PGS1: variants seen among roughly 807,000 people sequenced by gnomAD.
PGS1 encodes the protein CDP-diacylglycerol--glycerol-3-phosphate 3-phosphatidyltransferase, mitochondrial.
PGS1 carries 44 observed loss-of-function variants against 58.3 expected under a neutral mutation model. That is an observed-to-expected ratio of 0.75 (90% CI 0.59 to 0.97). PGS1 has a LOEUF of 0.97. PGS1 is among the 50% of genes least tolerant of loss of function. The pLI is 0.00. For missense variants in PGS1, 684 were observed against 731.1 expected (o/e 0.94, Z 0.74); for synonymous variants, 330 against 311.0 (o/e 1.06, Z -0.64).
chr17:78,414,979 G>A lies in PGS1; in HGVS notation c.1503G>A (p.Gln501=). 1 of 1,613,698 alleles carries A rather than the reference G, an allele frequency of 6.2e-7. No homozygotes were observed. Among genetic ancestry groups the A allele is most frequent in the Non-Finnish European group, 8.5e-7 (1 of 1,180,030 alleles). The change falls in exon 8 of 10, where the codon CAG becomes CAA. Residue 501 remains glutamine, a synonymous_variant. Coordinates refer to ENST00000262764, the MANE Select transcript of PGS1 (RefSeq NM_024419.5). ...CAGTTCACCGGGACCTGGAGGCCCA[G>A]ATTGCGATCGTGACGGAGAACCAGG... ...YRSVHRDLEA[Q]IAIVTENQAL... is the part of the protein sequence containing the mutation.
chr17:78,401,609 C>T (rs968753130), intron 6 of PGS1, among the ~76,000 whole-genome samples: 1 of 152,158 alleles, frequency 6.6e-6, no homozygotes, highest in Non-Finnish European at 1.5e-5. Flanking sequence ...GAAGAGCTCT[C>T]TGCGTCTTGT....
chr17:78,387,601 T>C (rs1226268174), intron 1 of PGS1, among the ~76,000 whole-genome samples: 2 of 146,000 alleles, frequency 1.4e-5, no homozygotes, highest in African/African-American at 5.0e-5. Context: ...GCCCAGCCTT[T>C]TTTTTTTTTT....
At chr17:78,384,461 AGTT>A (rs1406549572) in intron 1 of PGS1, among the ~76,000 whole-genome samples, 3 of 152,180 alleles carry the variant, frequency 2.0e-5, no homozygotes, top group Admixed American at 6.5e-5. Flanking sequence ...GGGTAGGGTG[AGTT>A]GTTCTCAAAA....
At chr17:78,414,197 CTCAG>C in intron 7 of PGS1, among the ~76,000 whole-genome samples, 1 of 152,318 alleles carries the variant, frequency 6.6e-6, no homozygotes, top group East Asian at 1.9e-4. Flanking sequence ...CTACATGTTC[CTCAG>C]TCAGAAGGGC....
In PGS1 at chr17:78,403,728, T is replaced by C. The variant is rs528183439; in HGVS notation, c.1041T>C (p.Pro347=). ...CTGCTGGGGATCGCAGACCAGCCCC[T>C]GACACCTGGATTTATCCGCTGATTC... is the stretch of plus-strand genomic sequence containing the variant. ...AAAAGDRRPA[P]DTWIYPLIQM... Residue 347 remains proline (P), a synonymous_variant, in exon 7 of 10, where the codon CCT becomes CCC. Coordinates refer to ENST00000262764, the MANE Select transcript of PGS1 (RefSeq NM_024419.5). 1.3e-4 allele frequency: 204 copies of C among 1,614,226 alleles called. 2 individuals carry two copies. In the South Asian group the frequency reaches 2.2e-3, roughly 18 times the overall value.
intron 3 of PGS1, among the ~76,000 whole-genome samples, chr17:78,397,181 A>G (rs1399894262): frequency 6.7e-6 from 1 of 148,420 alleles, no homozygotes; most frequent in African/African-American, 2.5e-5. Context: ...GGGCCAGCGC[A>G]GGTTCTGGTG....
intron 7 of PGS1, among the ~76,000 whole-genome samples, chr17:78,412,927 A>G (rs1182732797): frequency 1.3e-5 from 2 of 149,806 alleles, no homozygotes; most frequent in Admixed American, 6.6e-5. Flanking sequence ...TTGTCTTGCC[A>G]GCTCCATGCT....
At chr17:78,410,644 T>C (rs1239564331) in intron 7 of PGS1, among the ~76,000 whole-genome samples, 1 of 151,782 alleles carries the variant, frequency 6.6e-6, no homozygotes, top group African/African-American at 2.4e-5. Context: ...CAGCTAGTTT[T>C]TGTATTTTTA....
At chr17:78,421,034 T>G (rs1263027905) in intron 9 of PGS1, 1 of 152,270 alleles carries the variant, frequency 6.6e-6, no homozygotes, top group Non-Finnish European at 1.5e-5. Context: ...TGAAGTCCAA[T>G]TAAGGACTAC....
chr17:78,414,260 C>T (rs773012367), intron 7 of PGS1, among the ~76,000 whole-genome samples: 37 of 152,242 alleles, frequency 2.4e-4, no homozygotes, highest in Non-Finnish European at 5.0e-4. Flanking sequence ...TCAAGGCAGA[C>T]CTGTTCTTAC....
Position 78,384,283 on chromosome 17 carries a change from C to T in PGS1, c.143+5475C>T, listed in dbSNP as rs562096490. On this transcript the variant is annotated intron_variant, in intron 1 of 9. Transcript: ENST00000262764. ...ACCTACGGGAATCCACACTCATTTC[C>T]CTTACTCGGGGTTAGGTCTTGCATT... Among the ~76,000 whole-genome samples the T allele has an allele frequency of 9.2e-5, 14 of 152,226 alleles. No individual in the cohort carries two copies. The East Asian group carries it at 2.5e-3, about 27-fold the overall frequency.
At chr17:78,399,722 C>T (rs2083507076) in intron 5 of PGS1, among the ~76,000 whole-genome samples, 185 bp downstream of exon 5, 1 of 152,258 alleles carries the variant, frequency 6.6e-6, no homozygotes, top group Non-Finnish European at 1.5e-5. Flanking sequence ...TCCCCGGGGG[C>T]TGACTGGAAG....
At chr17:78,387,838 T>A (rs1397221666) in intron 1 of PGS1, among the ~76,000 whole-genome samples, 1 of 152,062 alleles carries the variant, frequency 6.6e-6, no homozygotes, top group African/African-American at 2.4e-5. Context: ...CCTCAAGTGA[T>A]CCTCCTGCCT....
At chr17:78,390,238 C>T (rs2082723321) in intron 1 of PGS1, among the ~76,000 whole-genome samples, 3 of 152,094 alleles carry the variant, frequency 2.0e-5, no homozygotes, top group Admixed American at 2.0e-4. Flanking sequence ...TTGGGAAACC[C>T]AGGCAGCGAG....
At chr17:78,398,833 G>C (rs1333722431) in intron 4 of PGS1, among the ~76,000 whole-genome samples, 1 of 152,220 alleles carries the variant, frequency 6.6e-6, no homozygotes, top group Non-Finnish European at 1.5e-5. Flanking sequence ...GCCCCTGGTG[G>C]CTTAGGCTTG....
At position 78,403,908 on chromosome 17, in the gene PGS1, G is replaced by T; in HGVS notation, c.1221G>T (p.Gln407His). 1 of 1,614,196 alleles carries T rather than the reference G, an allele frequency of 6.2e-7. No homozygotes were observed. Residue 407 changes from glutamine (Q) to histidine (H), a missense_variant, in exon 7 of 10, where the codon CAG (glutamine) becomes CAT (histidine). Physicochemically the swap from Gln to His is conservative, Grantham distance 24. Transcript: ENST00000262764. Reference protein sequence around the residue: ...DLVLGTRAEYQILLASPEVNG... With the variant: ...DLVLGTRAEYHILLASPEVNG... Reference sequence around the variant, plus strand: ...TCTTGGGCACTCGGGCTGAGTACCAGATCCTGCTGGCCTCACCAGAGGTGA... The same window carrying T: ...TCTTGGGCACTCGGGCTGAGTACCATATCCTGCTGGCCTCACCAGAGGTGA...
chr17:78,396,376 A>G lies in PGS1; in HGVS notation c.402A>G (p.Glu134=), dbSNP rs930242947. The change falls in exon 3 of 10, where the codon GAA becomes GAG. Residue 134 remains glutamate, a synonymous_variant. Coordinates refer to ENST00000262764, the MANE Select transcript of PGS1 (RefSeq NM_024419.5). ...TCTACCTGGGGACAGGTCCTTTGGA[A>G]CAGGAGCTGGTAAGGTTTATGGGGA... ...ASLYLGTGPL[E]QELVDCLEST... 6.2e-7 allele frequency: 1 copy of G among 1,611,204 alleles called. No homozygotes were observed. The highest frequency in any genetic ancestry group is 1.7e-5 in the Admixed American group (1 of 59,662).
rs74439781 is a variant in PGS1 at position 78,398,124 on chromosome 17, G to T, written c.412-128G>T. The T allele has an allele frequency of 5.8e-3, 4,527 of 774,396 alleles. 146 individuals carry two copies. The African/African-American group carries it at 0.067, about 11-fold the overall frequency. The allele number at this position is 774,396 out of a possible 1,614,324, so 48.0% of individuals were successfully genotyped here. On this transcript the variant is annotated intron_variant, in intron 3 of 9. Coordinates refer to ENST00000262764, the MANE Select transcript of PGS1 (RefSeq NM_024419.5). ...TAGCTTTTGTGGTGTTGGTGTCCGA[G>T]TGCTGATGGCACAAACCTATCTTTG... is the stretch of plus-strand genomic sequence containing the variant.
chr17:78,413,651 G>A (rs933281167), intron 7 of PGS1, among the ~76,000 whole-genome samples: 12 of 152,220 alleles, frequency 7.9e-5, no homozygotes, highest in African/African-American at 2.4e-4. Flanking sequence ...AGGGCAGCAC[G>A]GAGAGAAGTC....
Sources: gnomAD v4.1 joint callset for allele counts (sites outside exome capture counted in the v4.1 genomes callset) on GRCh38, gnomAD v4.1.1 for gene constraint, MANE v1.5 for transcripts, NCBI Gene and HGNC (gene_info 2026-07-23, HGNC 2026-07-21) for gene names.